KCNIP4: variants seen among roughly 807,000 people sequenced by gnomAD.
KCNIP4 encodes potassium voltage-gated channel interacting protein 4, also known as Kv channel-interacting protein 4.
A neutral mutation model predicts 34.0 loss-of-function variants in KCNIP4; 12 were observed. The observed-to-expected ratio is 0.35, with a 90% confidence interval of 0.23 to 0.57. The LOEUF (loss-of-function observed/expected upper bound fraction) is 0.57, where lower values mean the gene tolerates loss of function less well. Ranked by LOEUF, KCNIP4 falls within the 20% of genes least tolerant of loss-of-function variation. The pLI is 0.83. For missense variants in KCNIP4, 238 were observed against 311.7 expected (o/e 0.76, Z 1.78); for synonymous variants, 124 against 102.2 (o/e 1.21, Z -1.29).
intron 1 of KCNIP4, among the ~76,000 whole-genome samples, chr4:20,937,728 A>C (rs62296169): frequency 0.044 from 6,742 of 152,294 alleles, 197 homozygotes; most frequent in Middle Eastern, 0.071. Flanking sequence ...TTAAGTAAAA[A>C]TTAGAGTCTG....
rs558810335 is a variant in KCNIP4 at position 20,879,852 on chromosome 4, C to A, written c.163+2756G>T. Among the ~76,000 whole-genome samples, 291 of 151,976 alleles carry A rather than the reference C, an allele frequency of 1.9e-3. 1 individual carries two copies. The highest frequency in any genetic ancestry group is 6.8e-3 in the African/African-American group (281 of 41,456). On this transcript the variant is annotated intron_variant, in intron 2 of 8. Transcript: ENST00000382152. ...ATTCAGATAAATCAGTTCTTTTATC[C>A]AATAATTCAAAATTTAGGGGAAAGT...
At chr4:21,923,164 C>T (rs1244563676) in intron 1 of KCNIP4, among the ~76,000 whole-genome samples, 1 of 152,188 alleles carries the variant, frequency 6.6e-6, no homozygotes, top group African/African-American at 2.4e-5. Flanking sequence ...CTTCCCATTA[C>T]ACTCTGATCT....
chr4:21,942,503 T>C (rs1373133483), intron 1 of KCNIP4, among the ~76,000 whole-genome samples: 1 of 152,196 alleles, frequency 6.6e-6, no homozygotes, highest in Non-Finnish European at 1.5e-5. Flanking sequence ...AGAAACACTG[T>C]ACACTCTGAT....
At chr4:20,867,769 C>G (rs1723019480) in intron 2 of KCNIP4, among the ~76,000 whole-genome samples, 1 of 152,012 alleles carries the variant, frequency 6.6e-6, no homozygotes, top group African/African-American at 2.4e-5. Context: ...TCTCAGCAAA[C>G]TATCGCAAGG....
At chr4:21,219,408 T>C (rs553813645) in intron 1 of KCNIP4, among the ~76,000 whole-genome samples, 1 of 152,270 alleles carries the variant, frequency 6.6e-6, no homozygotes, top group South Asian at 2.1e-4. Flanking sequence ...GGTGGAATTA[T>C]TGGGTCTGAT....
chr4:21,520,869 G>T (rs1258220491), intron 1 of KCNIP4, among the ~76,000 whole-genome samples: 1 of 152,144 alleles, frequency 6.6e-6, no homozygotes, highest in African/African-American at 2.4e-5. Context: ...TGACTTTTAT[G>T]TGGGGAAAAT....
intron 1 of KCNIP4, chr4:21,582,427 T>C (rs1421608969): frequency 1.3e-5 from 2 of 151,968 alleles, no homozygotes; most frequent in Non-Finnish European, 2.9e-5. Flanking sequence ...TTTGATTTTA[T>C]GAGTTGGTAA....
intron 2 of KCNIP4, among the ~76,000 whole-genome samples, chr4:20,853,671 T>A (rs190443571): frequency 6.6e-6 from 1 of 151,708 alleles, no homozygotes; most frequent in African/African-American, 2.4e-5. Context: ...ACTAAAGAGC[T>A]TTTGCATGGC....
intron 6 of KCNIP4, 150 bp downstream of exon 6, chr4:20,734,478 A>T (rs1162276684): frequency 2.2e-6 from 1 of 444,754 alleles, no homozygotes; most frequent in Non-Finnish European, 4.0e-6. Context: ...TTCTATCCCA[A>T]GTTTTTAATT....
intron 1 of KCNIP4, among the ~76,000 whole-genome samples, chr4:20,952,162 A>G (rs1732851854): frequency 6.6e-6 from 1 of 152,202 alleles, no homozygotes. Context: ...ATTGATCTAC[A>G]ATAAAACTTG....
chr4:21,576,039 T>C (rs1291078710), intron 1 of KCNIP4, among the ~76,000 whole-genome samples: 1 of 152,194 alleles, frequency 6.6e-6, no homozygotes, highest in Non-Finnish European at 1.5e-5. Context: ...AAATAAACTA[T>C]TTGGTTAAAC....
intron 1 of KCNIP4, among the ~76,000 whole-genome samples, chr4:21,647,716 A>G (rs187879204): frequency 3.3e-5 from 5 of 152,160 alleles, no homozygotes; most frequent in African/African-American, 9.6e-5. Flanking sequence ...TACACAAGAC[A>G]TGAACTTGAA....
chr4:20,786,432 C>T (rs1397680561), intron 3 of KCNIP4, among the ~76,000 whole-genome samples: 4 of 152,028 alleles, frequency 2.6e-5, no homozygotes, highest in Non-Finnish European at 5.9e-5. Context: ...TGCACATGTA[C>T]CCCCTGAATC....
intron 1 of KCNIP4, among the ~76,000 whole-genome samples, chr4:21,774,283 T>C (rs951664079): frequency 6.6e-6 from 1 of 152,228 alleles, no homozygotes; most frequent in African/African-American, 2.4e-5. Flanking sequence ...TTCTGGCTTG[T>C]AGATTTTCTG....
At chr4:21,792,815 A>C (rs1006796176) in intron 1 of KCNIP4, among the ~76,000 whole-genome samples, 1 of 152,236 alleles carries the variant, frequency 6.6e-6, no homozygotes, top group African/African-American at 2.4e-5. Flanking sequence ...CAAACTACCC[A>C]CTGGATGTCT....
intron 1 of KCNIP4, among the ~76,000 whole-genome samples, chr4:21,234,216 T>TATAAC (rs1759106064): frequency 6.0e-5 from 6 of 99,712 alleles, no homozygotes; most frequent in African/African-American, 2.6e-4. Flanking sequence ...TAACGTATAT[T>TATAAC]ATATATAACA....
At chr4:21,100,186 T>C (rs937871927) in intron 1 of KCNIP4, among the ~76,000 whole-genome samples, 4 of 152,212 alleles carry the variant, frequency 2.6e-5, no homozygotes, top group Non-Finnish European at 5.9e-5. Flanking sequence ...TCAGACAGCA[T>C]TGCATGCAAC....
intron 3 of KCNIP4, among the ~76,000 whole-genome samples, chr4:20,839,392 A>T (rs1719452139): frequency 6.6e-6 from 1 of 151,520 alleles, no homozygotes; most frequent in Non-Finnish European, 1.5e-5. Context: ...ATCTCTATAT[A>T]TCTATACACA....
At chr4:21,716,837 T>A (rs1334797090) in intron 1 of KCNIP4, among the ~76,000 whole-genome samples, 1 of 152,160 alleles carries the variant, frequency 6.6e-6, no homozygotes, top group Non-Finnish European at 1.5e-5. Flanking sequence ...TAGCCATTCC[T>A]CCTTTTGGGG....
Sources: allele counts gnomAD v4.1 joint callset (sites outside exome capture counted in the v4.1 genomes callset), GRCh38; gene constraint gnomAD v4.1.1; transcripts MANE v1.5; gene names NCBI Gene and HGNC (gene_info 2026-07-23, HGNC 2026-07-21).